MAGI2: variants seen among roughly 807,000 people sequenced by gnomAD.
MAGI2 encodes membrane associated guanylate kinase, WW and PDZ domain containing 2.
Under a neutral mutation model 133.3 loss-of-function variants are expected in MAGI2, and 35 were observed. The ratio of observed to expected loss-of-function variants is 0.26; its 90% CI spans 0.20 to 0.35. MAGI2 has a LOEUF of 0.35. MAGI2 is among the 10% of genes least tolerant of loss of function. The pLI, the probability that MAGI2 is intolerant of heterozygous loss-of-function variation, is 1.00. For synonymous variants in MAGI2, 729 were observed against 710.6 expected, an observed-to-expected ratio of 1.03 and a Z score of -0.41; for missense variants, 1,636 against 1,863.4, an observed-to-expected ratio of 0.88 and a Z score of 2.25.
chr7:79,452,666 T>C (rs1489021808), intron 1 of MAGI2, among the ~76,000 whole-genome samples: 1 of 152,024 alleles, frequency 6.6e-6, no homozygotes, highest in East Asian at 1.9e-4. Context: ...TTTCTTTCTT[T>C]TCTTCCTTCC....
chr7:79,286,278 T>G (rs1007231804), intron 1 of MAGI2, among the ~76,000 whole-genome samples: 47 of 152,052 alleles, frequency 3.1e-4, no homozygotes, highest in Admixed American at 2.8e-3. Flanking sequence ...GGGTTTTATG[T>G]TATAAGCTCA....
intron 2 of MAGI2, among the ~76,000 whole-genome samples, chr7:78,636,342 A>G (rs903995790): frequency 5.5e-5 from 8 of 146,514 alleles, no homozygotes; most frequent in Non-Finnish European, 1.2e-4. Flanking sequence ...GGTATCTTCC[A>G]AAAACAGGCT....
chr7:79,268,131 G>A (rs1300937705), intron 1 of MAGI2, among the ~76,000 whole-genome samples: 2 of 152,156 alleles, frequency 1.3e-5, no homozygotes, highest in South Asian at 2.1e-4. Context: ...CCTGTGCTTG[G>A]AGGTAGAAGC....
chr7:79,290,434 ATAT>A (rs770303558), intron 1 of MAGI2, among the ~76,000 whole-genome samples: 2 of 151,718 alleles, frequency 1.3e-5, no homozygotes, highest in Non-Finnish European at 2.9e-5. Context: ...GATGAGTCTG[ATAT>A]TATTCACCTC....
intron 6 of MAGI2, among the ~76,000 whole-genome samples, chr7:78,444,426 A>G (rs1230134657): frequency 6.6e-6 from 1 of 152,084 alleles, no homozygotes; most frequent in Non-Finnish European, 1.5e-5. Flanking sequence ...TCTGCTCTAA[A>G]GGTGAAAGAA....
intron 3 of MAGI2, among the ~76,000 whole-genome samples, chr7:78,531,373 C>T (rs1333743569): frequency 4.6e-5 from 7 of 151,862 alleles, no homozygotes; most frequent in African/African-American, 7.3e-5. Flanking sequence ...ACCTCCACGT[C>T]GAATTAATTT....
intron 3 of MAGI2, among the ~76,000 whole-genome samples, chr7:78,529,295 G>C (rs1563128158): frequency 6.6e-6 from 1 of 152,084 alleles, no homozygotes; most frequent in Non-Finnish European, 1.5e-5. Context: ...CCACAGACTG[G>C]CTAGGGAAGG....
intron 6 of MAGI2, among the ~76,000 whole-genome samples, chr7:78,441,358 G>A (rs1433869440): frequency 6.6e-6 from 1 of 152,132 alleles, no homozygotes; most frequent in Non-Finnish European, 1.5e-5. Context: ...GAAATTTGTG[G>A]GGTAAAGCAG....
At chr7:79,225,077 A>G (rs990323879) in intron 1 of MAGI2, among the ~76,000 whole-genome samples, 2 of 152,140 alleles carry the variant, frequency 1.3e-5, no homozygotes, top group East Asian at 1.9e-4. Context: ...ACTCCTGCTT[A>G]CCTTTAAGAC....
At chr7:78,791,333 T>C (rs927404584) in intron 2 of MAGI2, among the ~76,000 whole-genome samples, 3 of 152,184 alleles carry the variant, frequency 2.0e-5, no homozygotes, top group African/African-American at 7.2e-5. Context: ...ATAATTTTTT[T>C]CCCTTATATT....
At chr7:79,135,894 C>T (rs1310438621) in intron 1 of MAGI2, among the ~76,000 whole-genome samples, 3 of 147,966 alleles carry the variant, frequency 2.0e-5, no homozygotes, top group Non-Finnish European at 4.4e-5. Flanking sequence ...GGAGCTGTAA[C>T]GATGCCACTG....
chr7:79,181,358 C>G (rs1027455718), intron 1 of MAGI2, among the ~76,000 whole-genome samples: 1 of 151,968 alleles, frequency 6.6e-6, no homozygotes, highest in African/African-American at 2.4e-5. Flanking sequence ...GACTTCTGTG[C>G]ACCCACAGGC....
intron 2 of MAGI2, among the ~76,000 whole-genome samples, chr7:78,655,995 AAAG>A (rs1212110471): frequency 6.6e-6 from 1 of 150,472 alleles, no homozygotes; most frequent in Non-Finnish European, 1.5e-5. Flanking sequence ...AAAAAAAAAA[AAAG>A]AAAAAGAAAA....
Position 78,324,505 on chromosome 7 carries a change from T to C in MAGI2, c.1408+19273A>G, listed in dbSNP as rs191182050. Among the ~76,000 whole-genome samples, 4 of 152,318 alleles carry C rather than the reference T, an allele frequency of 2.6e-5. No homozygotes were observed. In the East Asian group the frequency reaches 7.7e-4, roughly 29 times the overall value. On this transcript the variant is annotated intron_variant, in intron 9 of 21. Transcript: ENST00000354212. ...CTTTCCTAAACTTCAGTTCTTTATTTGTAAAATAATTATACCTATCCTACA... is the reference window on the plus strand; with the variant it reads ...CTTTCCTAAACTTCAGTTCTTTATTCGTAAAATAATTATACCTATCCTACA...
At chr7:79,430,566 T>C (rs531917820) in intron 1 of MAGI2, among the ~76,000 whole-genome samples, 15 of 152,276 alleles carry the variant, frequency 9.9e-5, no homozygotes, top group African/African-American at 3.6e-4. Flanking sequence ...TTCCACAACC[T>C]CCACATTCAC....
At chr7:78,675,478 T>A (rs1338619511) in intron 2 of MAGI2, among the ~76,000 whole-genome samples, 1 of 152,056 alleles carries the variant, frequency 6.6e-6, no homozygotes, top group Non-Finnish European at 1.5e-5. Context: ...TTTAAAAGCA[T>A]CAAGGAAGGA....
chr7:78,796,921 A>G (rs988391558), intron 2 of MAGI2, among the ~76,000 whole-genome samples: 18 of 152,160 alleles, frequency 1.2e-4, no homozygotes, highest in Admixed American at 2.6e-4. Flanking sequence ...TGTGGGAGCT[A>G]CAAAAGTGGA....
intron 2 of MAGI2, among the ~76,000 whole-genome samples, chr7:78,849,784 T>G (rs985709248): frequency 6.6e-5 from 10 of 152,054 alleles, no homozygotes. Context: ...AGAAATGATT[T>G]TGGGGAGTGG....
At chr7:78,780,268 G>A (rs913572843) in intron 2 of MAGI2, among the ~76,000 whole-genome samples, 1 of 152,172 alleles carries the variant, frequency 6.6e-6, no homozygotes, top group African/African-American at 2.4e-5. Flanking sequence ...AACTGGATTT[G>A]GGAAAAGATA....
Sources: gnomAD v4.1 joint callset for allele counts (sites outside exome capture counted in the v4.1 genomes callset) on GRCh38, gnomAD v4.1.1 for gene constraint, MANE v1.5 for transcripts, NCBI Gene and HGNC (gene_info 2026-07-23, HGNC 2026-07-21) for gene names.